The following PTPRO variants were observed in gnomAD, a reference collection of about 807,000 sequenced individuals.
PTPRO encodes receptor-type tyrosine-protein phosphatase O.
A neutral mutation model predicts 145.2 loss-of-function variants in PTPRO; 62 were observed. The ratio of observed to expected loss-of-function variants is 0.43; its 90% CI spans 0.35 to 0.53. The LOEUF is 0.53. Among genes scored for constraint, PTPRO ranks in the 20% least tolerant of loss-of-function variants. The pLI is 0.01. For synonymous variants in PTPRO, 565 were observed against 514.7 expected (o/e 1.10, Z -1.32); for missense variants, 1,345 against 1,482.7 (o/e 0.91, Z 1.53).
intron 1 of PTPRO, among the ~76,000 whole-genome samples, chr12:15,390,556 G>A (rs1424474011): frequency 1.3e-5 from 2 of 151,926 alleles, no homozygotes; most frequent in African/African-American, 4.8e-5. Context: ...GGGAATTATG[G>A]GAGCTACAAT....
intron 12 of PTPRO, among the ~76,000 whole-genome samples, chr12:15,537,447 G>T (rs952648004): frequency 6.6e-6 from 1 of 152,110 alleles, no homozygotes; most frequent in African/African-American, 2.4e-5. Context: ...CCTGTCCCAG[G>T]AGCCAAGGGA....
chr12:15,395,049 A>G (rs1340868744), intron 1 of PTPRO, among the ~76,000 whole-genome samples: 1 of 152,242 alleles, frequency 6.6e-6, no homozygotes, highest in Non-Finnish European at 1.5e-5. Flanking sequence ...AGTAATATGC[A>G]ACAAACCTAG....
intron 2 of PTPRO, 62 bp from the exon 3 acceptor site, chr12:15,497,183 T>TTGATATC: frequency 1.4e-6 from 2 of 1,430,706 alleles, no homozygotes; most frequent in Non-Finnish European, 2.0e-6. Flanking sequence ...AATTCAAGTA[T>TTGATATC]TGATATCGGC....
chr12:15,455,803 C>T (rs1237491673), intron 1 of PTPRO, among the ~76,000 whole-genome samples: 3 of 152,094 alleles, frequency 2.0e-5, no homozygotes, highest in African/African-American at 7.2e-5. Flanking sequence ...CATCTGCAAA[C>T]GGGGACAATT....
intron 1 of PTPRO, among the ~76,000 whole-genome samples, chr12:15,441,722 CCTCT>C (rs1477730875): frequency 6.6e-6 from 1 of 152,020 alleles, no homozygotes; most frequent in Non-Finnish European, 1.5e-5. Context: ...CCATTATGAA[CCTCT>C]CTACACACAA....
intron 4 of PTPRO, among the ~76,000 whole-genome samples, chr12:15,500,878 C>T (rs549383395): frequency 2.6e-5 from 4 of 152,246 alleles, no homozygotes; most frequent in African/African-American, 4.8e-5. Context: ...GCCGAGACCA[C>T]GTCATTGCAC....
At chr12:15,551,501 G>T (rs770052246) in intron 14 of PTPRO, 50 bp from the exon 15 acceptor site, 5 of 1,603,590 alleles carry the variant, frequency 3.1e-6, no homozygotes, top group African/African-American at 1.3e-5. Context: ...GGTTCTGTTT[G>T]GTTCCCTGTA....
intron 1 of PTPRO, among the ~76,000 whole-genome samples, chr12:15,357,367 A>T (rs1938029144): frequency 6.6e-6 from 1 of 152,200 alleles, no homozygotes; most frequent in Admixed American, 6.5e-5. Flanking sequence ...AACTTGACTG[A>T]TTCATTTCAG....
chr12:15,345,214 A>G (rs1867157557), intron 1 of PTPRO, among the ~76,000 whole-genome samples: 1 of 152,218 alleles, frequency 6.6e-6, no homozygotes, highest in Admixed American at 6.5e-5. Flanking sequence ...GCATGCAGAT[A>G]GTTGATACTA....
rs200334215 is a variant in PTPRO at position 15,331,962 on chromosome 12, C to CTTT, written c.75+9179_75+9181dup. On this transcript the variant is annotated intron_variant, in intron 1 of 26. Transcript: ENST00000281171. ...GTATCCTTTTTGTTTCTCTTTCTTT[C>CTTT]TTTTTTTTTTTTTTTTTTTTGACAG... 2.5e-4 allele frequency among the ~76,000 whole-genome samples: 29 copies of CTTT among 118,262 alleles called. 1 individual carries two copies. The highest frequency in any genetic ancestry group is 3.0e-4 in the South Asian group (1 of 3,364). The allele number at this position is 118,262 out of a possible 152,430, so 77.6% of individuals were successfully genotyped here.
chr12:15,358,240 G>T (rs965716675), intron 1 of PTPRO, among the ~76,000 whole-genome samples: 3 of 105,912 alleles, frequency 2.8e-5, no homozygotes, highest in Non-Finnish European at 5.5e-5. Flanking sequence ...TCATGGGGTG[G>T]GGGGAGGGGG....
intron 1 of PTPRO, among the ~76,000 whole-genome samples, chr12:15,435,117 T>C (rs1320969933): frequency 6.6e-6 from 1 of 152,194 alleles, no homozygotes; most frequent in Non-Finnish European, 1.5e-5. Flanking sequence ...CTATCATGTA[T>C]GAAGCATCTC....
chr12:15,524,109 A>G (rs921072681), intron 10 of PTPRO, among the ~76,000 whole-genome samples: 2 of 151,560 alleles, frequency 1.3e-5, no homozygotes, highest in Non-Finnish European at 2.9e-5. Context: ...ATTTAAATGC[A>G]TAAGATGATA....
chr12:15,417,926 G>A (rs1237314438), intron 1 of PTPRO, among the ~76,000 whole-genome samples: 1 of 151,734 alleles, frequency 6.6e-6, no homozygotes, highest in Admixed American at 6.6e-5. Flanking sequence ...CTAAAGCAAT[G>A]TAATACTAAG....
intron 1 of PTPRO, among the ~76,000 whole-genome samples, chr12:15,461,637 G>A (rs939441296): frequency 5.0e-5 from 7 of 140,350 alleles, no homozygotes; most frequent in African/African-American, 1.3e-4. Flanking sequence ...GTGCAATCTC[G>A]GCTCACTGCA....
intron 1 of PTPRO, among the ~76,000 whole-genome samples, chr12:15,355,721 C>G (rs139943276): frequency 6.6e-6 from 1 of 152,170 alleles, no homozygotes; most frequent in Admixed American, 6.5e-5. Flanking sequence ...AGTTTCCAGA[C>G]AGTTTTAATG....
At chr12:15,436,181 T>G (rs569718954) in intron 1 of PTPRO, among the ~76,000 whole-genome samples, 6 of 152,096 alleles carry the variant, frequency 3.9e-5, no homozygotes, top group African/African-American at 1.4e-4. Context: ...GCAGGAAAGA[T>G]CTAAAACTGA....
At chr12:15,396,780 C>T (rs1222562671) in intron 1 of PTPRO, among the ~76,000 whole-genome samples, 2 of 152,136 alleles carry the variant, frequency 1.3e-5, no homozygotes, top group East Asian at 3.8e-4. Context: ...AGGCCATTTA[C>T]TCCTCTTAAT....
intron 1 of PTPRO, among the ~76,000 whole-genome samples, chr12:15,439,093 A>G (rs1940683145): frequency 6.6e-6 from 1 of 152,226 alleles, no homozygotes; most frequent in Non-Finnish European, 1.5e-5. Context: ...CAGAAACCTT[A>G]CAAGCCAGGA....
Sources: gnomAD v4.1 joint callset for allele counts (sites outside exome capture counted in the v4.1 genomes callset) on GRCh38, gnomAD v4.1.1 for gene constraint, MANE v1.5 for transcripts, NCBI Gene and HGNC (gene_info 2026-07-23, HGNC 2026-07-21) for gene names.